MALRD1: variants seen among roughly 807,000 people sequenced by gnomAD.
The protein encoded by MALRD1 is MAM and LDL-receptor class A domain-containing protein 1.
MALRD1 carries 247 observed loss-of-function variants against 242.1 expected under a neutral mutation model. That is an observed-to-expected ratio of 1.02 (90% CI 0.92 to 1.13). The LOEUF is 1.13. Ranked by LOEUF, MALRD1 falls within the 50% of genes most tolerant of loss-of-function variation. The pLI is 0.00. For missense variants in MALRD1, 2,989 were observed against 2,533.1 expected, an observed-to-expected ratio of 1.18 and a Z score of -3.86; for synonymous variants, 995 against 866.6, an observed-to-expected ratio of 1.15 and a Z score of -2.60.
At chr10:19,050,241 C>G (rs1166162833) in intron 1 of MALRD1, among the ~76,000 whole-genome samples, 1 of 150,638 alleles carries the variant, frequency 6.6e-6, no homozygotes, top group Non-Finnish European at 1.5e-5. Context: ...GCGCCCGCCA[C>G]TACGCCCGGC....
At chr10:19,544,343 A>G (rs1051981549) in intron 32 of MALRD1, among the ~76,000 whole-genome samples, 1 of 151,962 alleles carries the variant, frequency 6.6e-6, no homozygotes, top group African/African-American at 2.4e-5. Context: ...GCCTGCCACC[A>G]TACCTGACTA....
rs148287790 is a variant in MALRD1, at chr10:19,502,165, G to C, written c.5320+3519G>C. 2.6e-5 allele frequency among the ~76,000 whole-genome samples: 4 copies of C among 152,104 alleles called. No individual in the cohort carries two copies. In the East Asian group the frequency reaches 7.7e-4, roughly 29 times the overall value. On this transcript the variant is annotated intron_variant, in intron 31 of 39. Transcript: ENST00000454679. ...ATATATTAAGGTTTGCCACTTGAAA[G>C]GTCTGAACTGTTCTTGTCCTTTTAA...
At chr10:19,202,672 A>G (rs1836590671) in intron 14 of MALRD1, among the ~76,000 whole-genome samples, 1 of 152,208 alleles carries the variant, frequency 6.6e-6, no homozygotes, top group African/African-American at 2.4e-5. Flanking sequence ...AAAAATAGCC[A>G]ATGGCTAAGA....
chr10:19,431,535 A>T (rs1254405775), intron 28 of MALRD1, among the ~76,000 whole-genome samples: 2 of 152,182 alleles, frequency 1.3e-5, no homozygotes, highest in African/African-American at 4.8e-5. Flanking sequence ...ACTGTTAGAT[A>T]GTATTGGTTT....
At chr10:19,421,996 A>G (rs1381755333) in intron 28 of MALRD1, among the ~76,000 whole-genome samples, 1 of 152,218 alleles carries the variant, frequency 6.6e-6, no homozygotes, top group Admixed American at 6.5e-5. Context: ...AAACACAACA[A>G]AGAATAATGA....
chr10:19,347,778 C>T lies in MALRD1; in HGVS notation c.3909C>T (p.Ser1303=). 6.5e-7 allele frequency: 1 copy of T among 1,550,292 alleles called. No individual in the cohort carries two copies. Among genetic ancestry groups the T allele is most frequent in the East Asian group, 2.4e-5 (1 of 40,900 alleles). Residue 1303 remains serine, a synonymous_variant, in exon 25 of 40, where the codon TCC becomes TCT. Coordinates refer to ENST00000454679, the MANE Select transcript of MALRD1 (RefSeq NM_001142308.3). Reference sequence around the variant, plus strand: ...TTTGGAAATATTTTCCAGGTACCTCCAGTGGGCGCTGTGATTTCGAATTTG... The same window carrying T: ...TTTGGAAATATTTTCCAGGTACCTCTAGTGGGCGCTGTGATTTCGAATTTG... The part of the protein sequence containing the change: ...SDETTFICRT[S]SGRCDFEFDL...
At chr10:19,195,137 G>A (rs1347953139) in intron 14 of MALRD1, among the ~76,000 whole-genome samples, 4 of 152,238 alleles carry the variant, frequency 2.6e-5, no homozygotes, top group South Asian at 2.1e-4. Flanking sequence ...GAAAAGCAGC[G>A]TACATAGTGT....
intron 4 of MALRD1, among the ~76,000 whole-genome samples, chr10:19,091,467 G>A (rs1291496343): frequency 2.9e-5 from 1 of 34,852 alleles, no homozygotes; most frequent in Non-Finnish European, 5.1e-5. Context: ...GTGTCTATTT[G>A]ATTCTTCTCT....
chr10:19,597,992 G>A (rs1838181663), intron 34 of MALRD1, among the ~76,000 whole-genome samples: 1 of 152,176 alleles, frequency 6.6e-6, no homozygotes, highest in Non-Finnish European at 1.5e-5. Context: ...GGTTGGAAAT[G>A]TAGAAAGAAT....
rs563728319 is a variant in MALRD1 at position 19,048,881 on chromosome 10, T to G, written c.-58T>G. On this transcript the variant is annotated 5_prime_UTR_variant, in exon 1 of 40. Transcript: ENST00000454679. ...GAAGAATAGAGAAATAAAAGAATGT[T>G]TCCAATGATGGACTTACTTATTACA... is the stretch of plus-strand genomic sequence containing the variant. The G allele has an allele frequency of 1.7e-6, 2 of 1,172,302 alleles. No homozygotes were observed. Among genetic ancestry groups the G allele is most frequent in the Non-Finnish European group, 2.1e-6 (2 of 932,348 alleles). 72.6% of individuals were successfully genotyped at this position (1,172,302 alleles called of 1,614,324 possible).
chr10:19,517,948 A>C (rs1833711697), intron 31 of MALRD1, among the ~76,000 whole-genome samples: 1 of 152,210 alleles, frequency 6.6e-6, no homozygotes, highest in Non-Finnish European at 1.5e-5. Flanking sequence ...TTATTTTTGC[A>C]GATATGACTT....
intron 28 of MALRD1, among the ~76,000 whole-genome samples, chr10:19,444,498 G>C (rs1174844196): frequency 6.6e-6 from 1 of 152,112 alleles, no homozygotes; most frequent in African/African-American, 2.4e-5. Flanking sequence ...TGTAAGGCAG[G>C]CTTGGTGGTG....
At chr10:19,189,477 CCT>C (rs915053672) in intron 14 of MALRD1, among the ~76,000 whole-genome samples, 44 of 150,838 alleles carry the variant, frequency 2.9e-4, no homozygotes, top group African/African-American at 1.0e-3. Flanking sequence ...CCAGCATTAC[CCT>C]GAGACTCAAG....
At chr10:19,726,447 TAACAAG>T (rs2131925595) in intron 38 of MALRD1, among the ~76,000 whole-genome samples, 2 of 152,134 alleles carry the variant, frequency 1.3e-5, no homozygotes, top group African/African-American at 4.8e-5. Context: ...AAACTGAAAA[TAACAAG>T]TGTTGATGAG....
At chr10:19,308,983 T>C (rs1842327983) in intron 21 of MALRD1, among the ~76,000 whole-genome samples, 1 of 151,628 alleles carries the variant, frequency 6.6e-6, no homozygotes, top group Non-Finnish European at 1.5e-5. Flanking sequence ...AAAATGAAGA[T>C]ATATTTTGTA....
chr10:19,539,838 C>A (rs191253600), intron 32 of MALRD1, among the ~76,000 whole-genome samples: 36 of 145,458 alleles, frequency 2.5e-4, no homozygotes, highest in African/African-American at 4.8e-4. Context: ...CAGCATGCGC[C>A]ACCACACCCA....
chr10:19,300,837 A>G (rs554313361), intron 21 of MALRD1, among the ~76,000 whole-genome samples: 1 of 152,182 alleles, frequency 6.6e-6, no homozygotes, highest in Admixed American at 6.6e-5. Flanking sequence ...AGCAATGGTA[A>G]CAAAAACAAA....
chr10:19,501,449 G>A (rs1589162785), intron 31 of MALRD1, among the ~76,000 whole-genome samples: 1 of 152,290 alleles, frequency 6.6e-6, no homozygotes, highest in South Asian at 2.1e-4. Flanking sequence ...ATATTATGCA[G>A]TCACTAAAAA....
chr10:19,174,994 C>G (rs949185470), intron 13 of MALRD1, among the ~76,000 whole-genome samples: 6 of 151,994 alleles, frequency 3.9e-5, no homozygotes, highest in Non-Finnish European at 8.8e-5. Flanking sequence ...TTAATTGAAA[C>G]AAGGTTACCT....
Sources: gnomAD v4.1 joint callset for allele counts (sites outside exome capture counted in the v4.1 genomes callset) on GRCh38, gnomAD v4.1.1 for gene constraint, MANE v1.5 for transcripts, NCBI Gene and HGNC (gene_info 2026-07-23, HGNC 2026-07-21) for gene names.